LAG3: variants seen among roughly 807,000 people sequenced by gnomAD.
LAG3 encodes the protein lymphocyte activating 3, also known as lymphocyte activation gene 3 protein.
LAG3 carries 29 observed loss-of-function variants against 49.0 expected under a neutral mutation model. The observed-to-expected ratio is 0.59, with a 90% CI of 0.44 to 0.81. LAG3 has a LOEUF of 0.81. LAG3 is among the 30% of genes least tolerant of loss of function. The pLI is 0.00. For missense variants in LAG3, 693 were observed against 695.2 expected (o/e 1.00, Z 0.04); for synonymous variants, 320 against 297.3 (o/e 1.08, Z -0.79).
chr12:6,772,995 G>T, intron 1 of LAG3, 85 bp downstream of exon 1: 3 of 1,477,690 alleles, frequency 2.0e-6, no homozygotes, highest in Non-Finnish European at 2.8e-6. Context: ...AGGTCCTGAG[G>T]TCCTTAGCTC....
chr12:6,777,310 T>C lies in LAG3; in HGVS notation c.1104T>C (p.Leu368=), dbSNP rs1463473851. The C allele has an allele frequency of 1.2e-6, 2 of 1,614,154 alleles. No homozygotes were observed. The highest frequency in any genetic ancestry group is 3.3e-5 in the Admixed American group (2 of 60,018). The part of the protein sequence containing the change: ...FGSPGSLGKL[L]CEVTPVSGQE... ...CACCTGGATCCCTGGGGAAGCTGCT[T>C]TGTGAGGTGACTCCAGTATCTGGAC... is the stretch of plus-strand genomic sequence containing the variant. The change falls in exon 6 of 8, where the codon CTT becomes CTC. Residue 368 remains leucine, a synonymous_variant. Coordinates refer to ENST00000203629, the MANE Select transcript of LAG3 (RefSeq NM_002286.6).
In LAG3 at chr12:6,773,770, C is replaced by T. The variant is rs1336671678; in HGVS notation, c.280C>T (p.Pro94Ser). 4 of 1,333,656 alleles carry T rather than the reference C, an allele frequency of 3.0e-6. No individual in the cohort carries two copies. Among genetic ancestry groups the T allele is most frequent in the Non-Finnish European group, 3.8e-6 (4 of 1,048,290 alleles). 82.6% of individuals were successfully genotyped at this position (1,333,656 alleles called of 1,614,324 possible). A position where few individuals can be genotyped will look rare whatever the true frequency, so the allele number is the denominator to read the frequency against. ...PHPAAPSSWGPRPRRYTVLSV... is the reference protein window; with the variant it reads ...PHPAAPSSWGSRPRRYTVLSV... ...CCCGGCGGCGCCCTCCTCCTGGGGGCCCAGGCCCCGCCGCTACACGGTGCT... is the reference window on the plus strand; with the variant it reads ...CCCGGCGGCGCCCTCCTCCTGGGGGTCCAGGCCCCGCCGCTACACGGTGCT... Residue 94 changes from proline to serine, a missense_variant, in exon 3 of 8, where the codon CCC (proline) becomes TCC (serine). By Grantham distance (74) the Pro-to-Ser change is moderately conservative. Coordinates refer to ENST00000203629, the MANE Select transcript of LAG3 (RefSeq NM_002286.6). The surrounding 1 kb of genome is among the most constrained non-coding windows in gnomAD (Gnocchi z 5.5).
At chr12:6,772,959 A>G (rs765309725) in intron 1 of LAG3, 49 bp downstream of exon 1, 23 of 1,567,108 alleles carry the variant, frequency 1.5e-5, no homozygotes, top group Non-Finnish European at 1.9e-5. Context: ...ACAGGAGGGG[A>G]CCAGCAGGGA....
intron 5 of LAG3, among the ~76,000 whole-genome samples, chr12:6,776,628 T>G (rs1941909674): frequency 6.6e-6 from 1 of 152,144 alleles, no homozygotes; most frequent in South Asian, 2.1e-4. Context: ...TGGAGAATGC[T>G]CTGTCTCTAG....
At position 6,774,707 on chromosome 12, in the gene LAG3, G is replaced by A. The variant is rs1417741921; in HGVS notation, c.624G>A (p.Gln208=). The A allele has an allele frequency of 6.2e-7, 1 of 1,614,038 alleles. No homozygotes were observed. The highest frequency in any genetic ancestry group is 1.3e-5 in the African/African-American group (1 of 74,928). The change falls in exon 4 of 8, where the codon CAG becomes CAA. Residue 208 remains glutamine (Q), a synonymous_variant. Coordinates refer to ENST00000203629, the MANE Select transcript of LAG3 (RefSeq NM_002286.6). ...ASVHWFRNRG[Q]GRVPVRESPH... Reference sequence around the variant, plus strand: ...TGCATTGGTTCCGGAACCGGGGCCAGGGCCGAGTCCCTGTCCGGGAGTCCC... The same window carrying A: ...TGCATTGGTTCCGGAACCGGGGCCAAGGCCGAGTCCCTGTCCGGGAGTCCC...
chr12:6,773,337 C>G lies in LAG3; in HGVS notation c.204C>G (p.Asp68Glu), dbSNP rs1941864502. Reference protein sequence around the residue: ...RAGVTWQHQPDSGPPAAAPGH... With the variant: ...RAGVTWQHQPESGPPAAAPGH... The stretch of plus-strand genomic sequence containing the variant: ...GGGTCACTTGGCAGCATCAGCCAGA[C>G]AGGTATGCACCCCAAACTTGGGCAA... Residue 68 changes from aspartate (D) to glutamate (E), a missense_variant and splice_region_variant, in exon 2 of 8, where the codon GAC (aspartate) becomes GAG (glutamate). Coordinates refer to ENST00000203629, the MANE Select transcript of LAG3 (RefSeq NM_002286.6). The surrounding 1 kb of genome is among the most constrained non-coding windows in gnomAD (Gnocchi z 5.5). 6.2e-7 allele frequency: 1 copy of G among 1,613,482 alleles called. No homozygotes were observed. Among genetic ancestry groups the G allele is most frequent in the Non-Finnish European group, 8.5e-7 (1 of 1,179,882 alleles).
rs148432416 is a variant in LAG3, at chr12:6,774,630, G to A, written c.547G>A (p.Asp183Asn). 20 of 1,614,050 alleles carry A rather than the reference G, an allele frequency of 1.2e-5. No homozygotes were observed. The highest frequency in any genetic ancestry group is 1.7e-5 in the Admixed American group (1 of 60,012). ...ASPPGSLRASDWVILNCSFSR... is the reference protein window; with the variant it reads ...ASPPGSLRASNWVILNCSFSR... ...CCCCCCAGGATCTCTCAGAGCCTCC[G>A]ACTGGGTCATTTTGAACTGCTCCTT... The change falls in exon 4 of 8, where the codon GAC (aspartate) becomes AAC (asparagine). Residue 183 changes from aspartate (D) to asparagine (N), a missense_variant. Coordinates refer to ENST00000203629, the MANE Select transcript of LAG3 (RefSeq NM_002286.6).
intron 3 of LAG3, 108 bp downstream of exon 3, chr12:6,774,109 G>A: frequency 7.5e-7 from 1 of 1,329,128 alleles, no homozygotes; most frequent in Non-Finnish European, 9.6e-7. Flanking sequence ...GGCCCTGTCG[G>A]AGAGCTCCCA....
chr12:6,774,740 C>T lies in LAG3; in HGVS notation c.657C>T (p.His219=), dbSNP rs1941886276. The T allele has an allele frequency of 6.2e-7, 1 of 1,614,212 alleles. No homozygotes were observed. The highest frequency in any genetic ancestry group is 2.2e-5 in the East Asian group (1 of 44,884). The change falls in exon 4 of 8, where the codon CAC becomes CAT. Residue 219 remains histidine (H), a synonymous_variant. Coordinates refer to ENST00000203629, the MANE Select transcript of LAG3 (RefSeq NM_002286.6). ...TCCCTGTCCGGGAGTCCCCCCATCA[C>T]CACTTAGCGGAAAGCTTCCTCTTCC... ...GRVPVRESPH[H]HLAESFLFLP...
chr12:6,777,392 C>T lies in LAG3; in HGVS notation c.1186C>T (p.Pro396Ser). Residue 396 changes from proline to serine, a missense_variant, in exon 6 of 8, where the codon CCT (proline) becomes TCT (serine). By Grantham distance (74) the Pro-to-Ser change is moderately conservative (BLOSUM62 -1). Transcript: ENST00000203629. ...DTPSQRSFSG[P>S]WLEAQEAQLL... The stretch of plus-strand genomic sequence containing the variant: ...CCCATCCCAGAGGAGTTTCTCAGGA[C>T]CTTGGCTGGAGGCACAGGAGGCCCA... 6.2e-7 allele frequency: 1 copy of T among 1,614,146 alleles called. No homozygotes were observed. Among genetic ancestry groups the T allele is most frequent in the South Asian group, 1.1e-5 (1 of 91,092 alleles).
Position 6,773,154 on chromosome 12 carries a change from C to G in LAG3, c.59-38C>G, listed in dbSNP as rs747122704. 13 of 1,582,750 alleles carry G rather than the reference C, an allele frequency of 8.2e-6. No homozygotes were observed. The Admixed American group carries it at 2.3e-4, about 28-fold the overall frequency. ...CCTTCTCTACCCCTGCCTCTCGGCT[C>G]ACGCCCCCTCCCCTTGGCCTCTCTT... On this transcript the variant is annotated intron_variant, in intron 1 of 7. Coordinates refer to ENST00000203629, the MANE Select transcript of LAG3 (RefSeq NM_002286.6). The surrounding 1 kb of genome is among the most constrained non-coding windows in gnomAD (Gnocchi z 5.5).
At chr12:6,776,337 C>T (rs1367150176) in intron 5 of LAG3, among the ~76,000 whole-genome samples, 3 of 152,302 alleles carry the variant, frequency 2.0e-5, no homozygotes, top group East Asian at 1.9e-4. Context: ...CCACTGGTAT[C>T]CATCCACCTC....
chr12:6,775,395 G>A lies in LAG3; in HGVS notation c.904G>A (p.Gly302Arg). 6.2e-7 allele frequency: 1 copy of A among 1,614,230 alleles called. No homozygotes were observed. Among genetic ancestry groups the A allele is most frequent in the Non-Finnish European group, 8.5e-7 (1 of 1,180,034 alleles). The change falls in exon 5 of 8, where the codon GGG (glycine) becomes AGG (arginine). Residue 302 changes from glycine to arginine, a missense_variant. Coordinates refer to ENST00000203629, the MANE Select transcript of LAG3 (RefSeq NM_002286.6). ...SFLTAKWTPP[G>R]GGPDLLVTGD... ...CCTCACTGCCAAGTGGACTCCTCCTGGGGGAGGCCCTGACCTCCTGGTGAC... is the reference window on the plus strand; with the variant it reads ...CCTCACTGCCAAGTGGACTCCTCCTAGGGGAGGCCCTGACCTCCTGGTGAC...
chr12:6,772,649 C>A lies in LAG3; in HGVS notation c.-204C>A, dbSNP rs1941856539. On this transcript the variant is annotated 5_prime_UTR_variant, in exon 1 of 8. Transcript: ENST00000203629. The stretch of plus-strand genomic sequence containing the variant: ...CAGGCTGCCTGATCTGCCCAGCTTT[C>A]CAGCTTTCCTCTGGATTCCGGCCTC... The A allele has an allele frequency of 8.3e-6, 4 of 482,112 alleles. No homozygotes were observed. The highest frequency in any genetic ancestry group is 3.5e-5 in the Admixed American group (1 of 28,582). The allele number at this position is 482,112 out of a possible 1,614,324, so 29.9% of individuals were successfully genotyped here. A position where few individuals can be genotyped will look rare whatever the true frequency, so the allele number is the denominator to read the frequency against.
At chr12:6,776,093 C>T (rs1198175030) in intron 5 of LAG3, among the ~76,000 whole-genome samples, 2 of 152,198 alleles carry the variant, frequency 1.3e-5, no homozygotes, top group Non-Finnish European at 1.5e-5. Flanking sequence ...GTCTGCAGCA[C>T]GCACCTGCGG....
At position 6,777,295 on chromosome 12, in the gene LAG3, C is replaced by A; in HGVS notation, c.1089C>A (p.Ser363=). 6 of 1,614,100 alleles carry A rather than the reference C, an allele frequency of 3.7e-6. No individual in the cohort carries two copies. The highest frequency in any genetic ancestry group is 5.1e-6 in the Non-Finnish European group (6 of 1,180,022). Residue 363 remains serine, a synonymous_variant, in exon 6 of 8, where the codon TCC becomes TCA. Coordinates refer to ENST00000203629, the MANE Select transcript of LAG3 (RefSeq NM_002286.6). The stretch of plus-strand genomic sequence containing the variant: ...CCAAATCCTTTGGGTCACCTGGATC[C>A]CTGGGGAAGCTGCTTTGTGAGGTGA... The part of the protein sequence containing the change: ...VTPKSFGSPG[S]LGKLLCEVTP...
At chr12:6,775,192 C>T in intron 4 of LAG3, 81 bp from the exon 5 acceptor site, 1 of 1,434,660 alleles carries the variant, frequency 7.0e-7, no homozygotes, top group Admixed American at 1.9e-5. Context: ...CTGAATTCTT[C>T]TGCCTCCCTT....
chr12:6,772,946 C>T (rs377502500), intron 1 of LAG3, 36 bp downstream of exon 1: 18 of 1,603,310 alleles, frequency 1.1e-5, no homozygotes, highest in Non-Finnish European at 1.5e-5. Context: ...GACCTCCAGC[C>T]CCACAGGAGG....
Position 6,778,440 on chromosome 12 carries a change from T to A in LAG3, c.*50T>A, listed in dbSNP as rs976357315. ...TCTCAGCAGCCCAGTCCAAATAAAC[T>A]CCCTGTCAGCAGCAAGCCTGAGTCT... On this transcript the variant is annotated 3_prime_UTR_variant, in exon 8 of 8. Transcript: ENST00000203629. The A allele has an allele frequency of 1.3e-6, 2 of 1,585,572 alleles. No homozygotes were observed. Among genetic ancestry groups the A allele is most frequent in the Non-Finnish European group, 1.7e-6 (2 of 1,171,752 alleles).
Sources: allele counts gnomAD v4.1 joint callset (sites outside exome capture counted in the v4.1 genomes callset), GRCh38; gene constraint gnomAD v4.1.1; non-coding constraint Gnocchi (gnomAD v3.1); transcripts MANE v1.5; gene names NCBI Gene and HGNC (gene_info 2026-07-23, HGNC 2026-07-21).